The following ATOSA variants were observed in gnomAD, a reference collection of about 807,000 sequenced individuals.
ATOSA encodes the protein atos homolog protein A.
At chr15:52,613,898 C>T in the ATOSA span, 1 of 1,549,552 alleles carries the variant, frequency 6.5e-7, no homozygotes, top group South Asian at 1.1e-5. Context: ...ATTTAATGTA[C>T]TCTTAGTAAG....
At chr15:52,667,774 A>G in the ATOSA span, among the ~76,000 whole-genome samples, 7 of 152,388 alleles carry the variant, frequency 4.6e-5, no homozygotes, top group Non-Finnish European at 7.3e-5. Context: ...GACATCTGCA[A>G]CTTACACAAG....
chr15:52,599,723 G>T, the ATOSA span, among the ~76,000 whole-genome samples: 1 of 152,232 alleles, frequency 6.6e-6, no homozygotes, highest in Admixed American at 6.5e-5. Context: ...CAAAAAAGTT[G>T]CAAATAAAGT....
chr15:52,679,539 CGGCG>C, the ATOSA span, among the ~76,000 whole-genome samples: 1 of 152,196 alleles, frequency 6.6e-6, no homozygotes, highest in Non-Finnish European at 1.5e-5. Flanking sequence ...TGCAGGTGCC[CGGCG>C]GGTGCGAGGG....
the ATOSA span, chr15:52,587,355 G>C: frequency 1.4e-6 from 1 of 702,764 alleles, no homozygotes; most frequent in Non-Finnish European, 2.3e-6. Flanking sequence ...TGAATTAATA[G>C]AGATACATTC....
the ATOSA span, among the ~76,000 whole-genome samples, chr15:52,668,790 C>G: frequency 6.6e-6 from 1 of 151,840 alleles, no homozygotes; most frequent in East Asian, 1.9e-4. Flanking sequence ...CTAGCCCACC[C>G]ACCCATCCCA....
the ATOSA span, among the ~76,000 whole-genome samples, chr15:52,621,300 T>C: frequency 3.9e-5 from 6 of 152,218 alleles, no homozygotes; most frequent in Admixed American, 6.5e-5. Context: ...CAGACATACA[T>C]ACAACAAAAT....
the ATOSA span, among the ~76,000 whole-genome samples, chr15:52,647,389 G>C: frequency 6.6e-6 from 1 of 152,156 alleles, no homozygotes; most frequent in African/African-American, 2.4e-5. Context: ...GAAGTTTTGT[G>C]TACTTATGAA....
At chr15:52,658,694 G>T in the ATOSA span, 1 of 391,382 alleles carries the variant, frequency 2.6e-6, no homozygotes, top group South Asian at 1.3e-4. Context: ...GGCCAGGCAT[G>T]GTGGCTCATG....
At chr15:52,589,508 T>C in the ATOSA span, among the ~76,000 whole-genome samples, 1 of 151,800 alleles carries the variant, frequency 6.6e-6, no homozygotes, top group Non-Finnish European at 1.5e-5. Flanking sequence ...TCAATTCCAA[T>C]AGTTTTTAGA....
chr15:52,686,122 TA>T, the ATOSA span, among the ~76,000 whole-genome samples: 1 of 152,228 alleles, frequency 6.6e-6, no homozygotes, highest in Admixed American at 6.5e-5. Flanking sequence ...GAGCTATTTT[TA>T]GAAGCAGTGA....
At chr15:52,664,456 A>C in the ATOSA span, among the ~76,000 whole-genome samples, 1 of 152,204 alleles carries the variant, frequency 6.6e-6, no homozygotes, top group African/African-American at 2.4e-5. Flanking sequence ...TCCTCGCAGA[A>C]ACCTTGAGAA....
the ATOSA span, among the ~76,000 whole-genome samples, chr15:52,638,865 C>T: frequency 7.9e-5 from 12 of 151,846 alleles, no homozygotes; most frequent in Admixed American, 6.6e-4. Flanking sequence ...AAATTACTTC[C>T]TACAAAGGCC....
chr15:52,596,307 A>G, the ATOSA span, among the ~76,000 whole-genome samples: 1 of 152,216 alleles, frequency 6.6e-6, no homozygotes, highest in African/African-American at 2.4e-5. Context: ...TTTTGTGGAA[A>G]TAGACAAGAT....
the ATOSA span, among the ~76,000 whole-genome samples, chr15:52,630,763 A>C: frequency 2.4e-4 from 36 of 152,306 alleles, no homozygotes; most frequent in East Asian, 5.2e-3. Flanking sequence ...ATAACAACAA[A>C]ATTTTGGAAA....
chr15:52,682,524 G>A, the ATOSA span, among the ~76,000 whole-genome samples: 1 of 152,190 alleles, frequency 6.6e-6, no homozygotes, highest in Non-Finnish European at 1.5e-5. Flanking sequence ...CTTTAATTCT[G>A]TAGAAGTTAA....
chr15:52,679,892 T>C, the ATOSA span, among the ~76,000 whole-genome samples: 1 of 145,242 alleles, frequency 6.9e-6, no homozygotes, highest in African/African-American at 2.6e-5. Flanking sequence ...TTGCAGCGCA[T>C]AATGGAACCC....
At chr15:52,584,238 G>C in the ATOSA span, among the ~76,000 whole-genome samples, 3 of 147,366 alleles carry the variant, frequency 2.0e-5, no homozygotes, top group African/African-American at 7.6e-5. Context: ...TCCACCTCCC[G>C]GGTTCAAGCA....
chr15:52,669,850 T>C, the ATOSA span, among the ~76,000 whole-genome samples: 2 of 152,202 alleles, frequency 1.3e-5, no homozygotes, highest in African/African-American at 4.8e-5. Flanking sequence ...TTCTGGGTCA[T>C]GGAAGCAGAA....
At chr15:52,645,443 C>CAAATAAAT in the ATOSA span, among the ~76,000 whole-genome samples, 34 of 150,034 alleles carry the variant, frequency 2.3e-4, no homozygotes, top group Admixed American at 4.7e-4. Flanking sequence ...GACTCCATCT[C>CAAATAAAT]AAATAAATAA....
Sources: allele counts gnomAD v4.1 joint callset (sites outside exome capture counted in the v4.1 genomes callset), GRCh38; gene constraint gnomAD v4.1.1; transcripts MANE v1.5; gene names NCBI Gene and HGNC (gene_info 2026-07-23, HGNC 2026-07-21).